Variants in SNTG2 observed in about 807,000 individuals in gnomAD.
The protein encoded by SNTG2 is gamma-2-syntrophin.
SNTG2 carries 74 observed loss-of-function variants against 70.9 expected under a neutral mutation model. That is an observed-to-expected ratio of 1.04 (90% CI 0.86 to 1.27). The LOEUF (loss-of-function observed/expected upper bound fraction) is 1.27. Among genes scored for constraint, SNTG2 ranks in the 50% most tolerant of loss-of-function variants. SNTG2 has a pLI of 0.00. For synonymous variants in SNTG2, 278 were observed against 273.8 expected (o/e 1.02, Z -0.15); for missense variants, 717 against 690.7 (o/e 1.04, Z -0.43).
chr2:1,039,343 G>A (rs1024345390), intron 1 of SNTG2, among the ~76,000 whole-genome samples: 3 of 152,136 alleles, frequency 2.0e-5, no homozygotes, highest in African/African-American at 7.2e-5. Context: ...CGTTTAAGCA[G>A]GTAGACGTCT....
At chr2:1,081,775 G>A (rs1335502979) in intron 1 of SNTG2, among the ~76,000 whole-genome samples, 5 of 152,232 alleles carry the variant, frequency 3.3e-5, no homozygotes, top group African/African-American at 7.2e-5. Context: ...TGGGGTCAGC[G>A]AAGTGGGTGG....
intron 16 of SNTG2, among the ~76,000 whole-genome samples, chr2:1,365,385 T>G (rs1021015628): frequency 2.6e-5 from 4 of 152,352 alleles, no homozygotes; most frequent in Admixed American, 6.5e-5. Context: ...TAGCTGTCAA[T>G]GTTAAGAGTC....
At chr2:1,347,779 C>T (rs1394253648) in intron 16 of SNTG2, among the ~76,000 whole-genome samples, 3 of 152,230 alleles carry the variant, frequency 2.0e-5, no homozygotes, top group African/African-American at 7.2e-5. Flanking sequence ...GAATTTGGGG[C>T]TGCAGTCCTG....
chr2:1,256,927 C>T (rs1006658500), intron 12 of SNTG2, among the ~76,000 whole-genome samples: 2 of 151,136 alleles, frequency 1.3e-5, no homozygotes, highest in Non-Finnish European at 2.9e-5. Context: ...TTCAGGTAAG[C>T]AGGGAAAGAA....
At chr2:1,315,516 G>A (rs899143573) in intron 15 of SNTG2, among the ~76,000 whole-genome samples, 2 of 151,930 alleles carry the variant, frequency 1.3e-5, no homozygotes, top group Admixed American at 1.3e-4. Flanking sequence ...AATTTTCCTG[G>A]GAAGATAAAT....
intron 4 of SNTG2, chr2:1,103,543 C>A: frequency 5.9e-6 from 1 of 168,262 alleles, no homozygotes; most frequent in South Asian, 1.3e-4. Flanking sequence ...GCACCCGCCA[C>A]CACGCTCGGC....
intron 9 of SNTG2, among the ~76,000 whole-genome samples, chr2:1,236,074 A>G (rs28420800): frequency 0.22 from 33,396 of 152,096 alleles, 5,818 homozygotes; most frequent in African/African-American, 0.48. Flanking sequence ...GCTGTTTATT[A>G]ACCACTAGAT....
chr2:1,303,117 C>A (rs147497880), intron 14 of SNTG2, among the ~76,000 whole-genome samples: 231 of 152,294 alleles, frequency 1.5e-3, no homozygotes, highest in African/African-American at 5.1e-3. Context: ...ATATAGAAGA[C>A]TTCAACAGTA....
chr2:1,058,899 A>G (rs760873005), intron 1 of SNTG2, among the ~76,000 whole-genome samples: 2 of 152,174 alleles, frequency 1.3e-5, no homozygotes, highest in Non-Finnish European at 2.9e-5. Flanking sequence ...TCACTGGTCC[A>G]GTGCCCTCTC....
At chr2:1,296,155 C>T (rs1680205051) in intron 14 of SNTG2, among the ~76,000 whole-genome samples, 1 of 152,218 alleles carries the variant, frequency 6.6e-6, no homozygotes, top group South Asian at 2.1e-4. Flanking sequence ...CTATCAGTTG[C>T]TTCCACTTGG....
At position 1,102,322 on chromosome 2, in the gene SNTG2, G is replaced by A. The variant is rs1665830254; in HGVS notation, c.325+3912G>A. Among the ~76,000 whole-genome samples, 3 of 152,316 alleles carry A rather than the reference G, an allele frequency of 2.0e-5. No homozygotes were observed. In the South Asian group the frequency reaches 6.2e-4, roughly 32 times the overall value. On this transcript the variant is annotated intron_variant, in intron 4 of 16. Coordinates refer to ENST00000308624, the MANE Select transcript of SNTG2 (RefSeq NM_018968.4). ...TAAGAAAAGTCACCCTGGCTGTTGT[G>A]AGGAGGCTGTTCCAGGAAGCAGGGA...
intron 6 of SNTG2, among the ~76,000 whole-genome samples, chr2:1,156,126 C>A (rs1669879977): frequency 6.6e-6 from 1 of 152,120 alleles, no homozygotes; most frequent in African/African-American, 2.4e-5. Context: ...ACAGGGCCGC[C>A]CGTGGATGTT....
chr2:1,196,017 T>A (rs1433131488), intron 8 of SNTG2, among the ~76,000 whole-genome samples: 2 of 152,188 alleles, frequency 1.3e-5, no homozygotes, highest in African/African-American at 2.4e-5. Context: ...TTGGAATCTT[T>A]TTTTTGTGTC....
At chr2:1,055,139 T>C (rs1488523035) in intron 1 of SNTG2, among the ~76,000 whole-genome samples, 1 of 152,202 alleles carries the variant, frequency 6.6e-6, no homozygotes, top group Non-Finnish European at 1.5e-5. Context: ...GCATTCACAT[T>C]GTAGACGTGG....
At chr2:1,040,532 T>A (rs1685252528) in intron 1 of SNTG2, among the ~76,000 whole-genome samples, 1 of 152,210 alleles carries the variant, frequency 6.6e-6, no homozygotes, top group African/African-American at 2.4e-5. Flanking sequence ...TCAGTAAAGT[T>A]CAGGGGTCTT....
At chr2:1,324,063 A>G (rs1373124094) in intron 16 of SNTG2, among the ~76,000 whole-genome samples, 1 of 149,762 alleles carries the variant, frequency 6.7e-6, no homozygotes, top group Non-Finnish European at 1.5e-5. Flanking sequence ...GACACCCCCT[A>G]GTAGGCTGGG....
At position 1,235,731 on chromosome 2, in the gene SNTG2, C is replaced by T. The variant is rs557858067; in HGVS notation, c.720-2157C>T. ...TCCAGGAAAAGCTGCCCCTGGCCCA[C>T]ACTGGCACCACCCCCTGTTCCTCCC... On this transcript the variant is annotated intron_variant, in intron 9 of 16. Transcript: ENST00000308624. Among the ~76,000 whole-genome samples the T allele has an allele frequency of 2.1e-3, 319 of 152,368 alleles. 1 individual carries two copies. The highest frequency in any genetic ancestry group is 7.4e-3 in the African/African-American group (307 of 41,588).
At chr2:1,040,341 T>C (rs1661365354) in intron 1 of SNTG2, among the ~76,000 whole-genome samples, 2 of 152,202 alleles carry the variant, frequency 1.3e-5, no homozygotes, top group Admixed American at 6.5e-5. Context: ...GGCCCTCACC[T>C]GCTCGCCTCC....
chr2:1,061,158 A>G (rs967411712), intron 1 of SNTG2, among the ~76,000 whole-genome samples: 4 of 152,224 alleles, frequency 2.6e-5, no homozygotes, highest in African/African-American at 9.6e-5. Context: ...GACAGCATAG[A>G]GCCGCGTGAT....
Sources: allele counts gnomAD v4.1 joint callset (sites outside exome capture counted in the v4.1 genomes callset), GRCh38; gene constraint gnomAD v4.1.1; transcripts MANE v1.5; gene names NCBI Gene and HGNC (gene_info 2026-07-23, HGNC 2026-07-21).